Variants in NUMB observed in about 807,000 individuals in gnomAD.
NUMB encodes the protein NUMB endocytic adaptor protein, also known as protein numb homolog.
In NUMB, 29 loss-of-function variants were observed where a neutral mutation model predicts 59.7. The ratio of observed to expected loss-of-function variants is 0.49; its 90% CI spans 0.36 to 0.66. The LOEUF (loss-of-function observed/expected upper bound fraction) is 0.66. NUMB is among the 30% of genes least tolerant of loss of function. The pLI is 0.00. For synonymous variants in NUMB, 288 were observed against 288.2 expected (o/e 1.00, Z 0.01); for missense variants, 723 against 822.0 (o/e 0.88, Z 1.47).
intron 3 of NUMB, among the ~76,000 whole-genome samples, chr14:73,364,214 T>C (rs1481383745): frequency 6.6e-6 from 1 of 152,164 alleles, no homozygotes; most frequent in Non-Finnish European, 1.5e-5. Context: ...CAAAAATATA[T>C]AGCAGGCCAG....
intron 7 of NUMB, among the ~76,000 whole-genome samples, chr14:73,295,685 C>A (rs552258710): frequency 6.6e-6 from 1 of 152,232 alleles, no homozygotes. Flanking sequence ...GACTTTCTCC[C>A]CTTTCAGTGG....
Position 73,275,409 on chromosome 14 carries a change from GAC to G in NUMB, c.*1167_*1168del, listed in dbSNP as rs1888087646. The stretch of plus-strand genomic sequence containing the variant: ...ACCAAAAGGGGGTTTGGGGGAAGAG[GAC>G]ACACACAAAGCTAATAAAACCAGAA... On this transcript the variant is annotated 3_prime_UTR_variant, in exon 13 of 13. Coordinates refer to ENST00000555238, the MANE Select transcript of NUMB (RefSeq NM_001005743.2). 1 of 152,366 alleles carries G rather than the reference GAC, an allele frequency of 6.6e-6. No individual in the cohort carries two copies. Among genetic ancestry groups the G allele is most frequent in the Non-Finnish European group, 1.5e-5 (1 of 68,020 alleles). The allele number at this position is 152,366 out of a possible 1,614,324, so 9.4% of individuals were successfully genotyped here.
intron 7 of NUMB, among the ~76,000 whole-genome samples, chr14:73,295,715 T>A (rs78652806): frequency 6.6e-6 from 1 of 152,166 alleles, no homozygotes; most frequent in Admixed American, 6.5e-5. Context: ...TTTTTTTTTT[T>A]AATTATCTTC....
intron 8 of NUMB, among the ~76,000 whole-genome samples, chr14:73,290,154 T>C (rs1431557319): frequency 1.3e-5 from 2 of 152,222 alleles, no homozygotes; most frequent in East Asian, 3.8e-4. Flanking sequence ...CTGGAAACTC[T>C]TGAACTCCAG....
chr14:73,307,084 T>G (rs1566736056), intron 6 of NUMB, among the ~76,000 whole-genome samples: 1 of 151,822 alleles, frequency 6.6e-6, no homozygotes, highest in African/African-American at 2.4e-5. Flanking sequence ...CCAAGGCGGG[T>G]GGATCACGAG....
chr14:73,282,190 C>A, intron 11 of NUMB, 169 bp downstream of exon 11: 1 of 579,030 alleles, frequency 1.7e-6, no homozygotes, highest in South Asian at 3.1e-5. Context: ...AGGAAGGGCA[C>A]AAAGACATCG....
At chr14:73,383,239 T>G (rs1423920465) in intron 2 of NUMB, among the ~76,000 whole-genome samples, 1 of 152,116 alleles carries the variant, frequency 6.6e-6, no homozygotes, top group Non-Finnish European at 1.5e-5. Flanking sequence ...GTGATTAATA[T>G]GTTCAGGAAA....
chr14:73,377,867 T>A (rs1191671626), intron 2 of NUMB, among the ~76,000 whole-genome samples: 6 of 152,112 alleles, frequency 3.9e-5, no homozygotes, highest in African/African-American at 1.2e-4. Context: ...CTTGGGAAGC[T>A]GTGGCAGGAG....
chr14:73,292,907 C>T (rs1889489004), intron 7 of NUMB, 33 bp from the exon 8 acceptor site: 1 of 1,610,312 alleles, frequency 6.2e-7, no homozygotes, highest in South Asian at 1.1e-5. Context: ...AAAGAGAAGA[C>T]TTATGAGGTT....
At position 73,277,063 on chromosome 14, in the gene NUMB, G is replaced by A; in HGVS notation, c.1471C>T (p.Gln491Ter). The A allele has an allele frequency of 6.2e-7, 1 of 1,614,140 alleles. No homozygotes were observed. Among genetic ancestry groups the A allele is most frequent in the Non-Finnish European group, 8.5e-7 (1 of 1,180,030 alleles). The change falls in exon 13 of 13, where the codon CAG becomes TAG. Residue 491 changes from glutamine (Q) to a stop codon, truncating the protein, a stop_gained. Transcript: ENST00000555238. LOFTEE classifies it high-confidence loss of function. ...PFQGNAFLTS[Q>*]PVPVGVVPAL... is the part of the protein sequence containing the mutation. ...GGGACCACACCCACTGGCACAGGCT[G>A]AGAGGTGAGGAATGCATTCCCTTGG... is the stretch of plus-strand genomic sequence containing the variant.
intron 1 of NUMB, among the ~76,000 whole-genome samples, chr14:73,414,286 C>T (rs1038578759): frequency 6.6e-6 from 1 of 152,108 alleles, no homozygotes; most frequent in African/African-American, 2.4e-5. Flanking sequence ...AGTATTACAG[C>T]CTTAAGTTTT....
At chr14:73,376,878 T>C (rs935773356) in intron 2 of NUMB, among the ~76,000 whole-genome samples, 4 of 152,140 alleles carry the variant, frequency 2.6e-5, no homozygotes, top group African/African-American at 9.7e-5. Context: ...ATGGTGAGAC[T>C]CCCATCTCTA....
chr14:73,418,772 G>GAA (rs368122521), intron 1 of NUMB, among the ~76,000 whole-genome samples: 5 of 138,370 alleles, frequency 3.6e-5, no homozygotes, highest in African/African-American at 5.3e-5. Context: ...ACTCTGTCTC[G>GAA]AAAAAAAAAA....
intron 3 of NUMB, among the ~76,000 whole-genome samples, chr14:73,364,516 ATT>A (rs113296719): frequency 1.3e-5 from 2 of 151,984 alleles, no homozygotes; most frequent in African/African-American, 4.8e-5. Flanking sequence ...ATAAATAAAA[ATT>A]TTAAAAAAAT....
rs1888121686 is a variant in NUMB, at chr14:73,275,918, T to G, written c.*660A>C. On this transcript the variant is annotated 3_prime_UTR_variant, in exon 13 of 13. Transcript: ENST00000555238. ...CTAGCCCCTTTACCTTTGGCAAGATTACTTACAACTCATACAACTTCTTAA... is the reference window on the plus strand; with the variant it reads ...CTAGCCCCTTTACCTTTGGCAAGATGACTTACAACTCATACAACTTCTTAA... 1 of 152,674 alleles carries G rather than the reference T, an allele frequency of 6.5e-6. No homozygotes were observed. The highest frequency in any genetic ancestry group is 1.5e-5 in the Non-Finnish European group (1 of 68,046). 9.5% of individuals were successfully genotyped at this position (152,674 alleles called of 1,614,324 possible).
At chr14:73,450,234 C>A (rs1011593824) in intron 1 of NUMB, among the ~76,000 whole-genome samples, 4 of 152,150 alleles carry the variant, frequency 2.6e-5, no homozygotes, top group Admixed American at 2.6e-4. Context: ...AGCATAAGCT[C>A]CATTTTATGG....
At chr14:73,427,623 A>C (rs1432176560) in intron 1 of NUMB, among the ~76,000 whole-genome samples, 1 of 152,176 alleles carries the variant, frequency 6.6e-6, no homozygotes, top group African/African-American at 2.4e-5. Context: ...CTGTACAAGA[A>C]AGAGAAAACA....
At chr14:73,337,700 G>A (rs925684006) in intron 4 of NUMB, among the ~76,000 whole-genome samples, 1 of 152,070 alleles carries the variant, frequency 6.6e-6, no homozygotes, top group African/African-American at 2.4e-5. Flanking sequence ...ATATACAACT[G>A]TAATATTCAT....
chr14:73,296,211 G>T (rs896114817), intron 7 of NUMB, among the ~76,000 whole-genome samples: 3 of 152,146 alleles, frequency 2.0e-5, no homozygotes, highest in Non-Finnish European at 2.9e-5. Flanking sequence ...GGGAGGCCAA[G>T]GCGGGTGGAT....
Sources: gnomAD v4.1 joint callset for allele counts (sites outside exome capture counted in the v4.1 genomes callset) on GRCh38, gnomAD v4.1.1 for gene constraint, MANE v1.5 for transcripts, NCBI Gene and HGNC (gene_info 2026-07-23, HGNC 2026-07-21) for gene names.